Variants in ZNF730 observed in about 807,000 individuals in gnomAD.
ZNF730 encodes putative zinc finger protein 730.
A neutral mutation model predicts 12.6 loss-of-function variants in ZNF730; 12 were observed. The observed-to-expected ratio is 0.95, with a 90% CI of 0.61 to 1.54. The LOEUF is 1.54. Ranked by LOEUF, ZNF730 falls within the 40% of genes most tolerant of loss-of-function variation. The pLI, the probability that ZNF730 is intolerant of heterozygous loss-of-function variation, is 0.00. For synonymous variants in ZNF730, 194 were observed against 195.8 expected (o/e 0.99, Z 0.08); for missense variants, 643 against 583.5 (o/e 1.10, Z -1.05).
At chr19:23,091,716 G>A (rs1317138121) in intron 1 of ZNF730, among the ~76,000 whole-genome samples, 1 of 152,118 alleles carries the variant, frequency 6.6e-6, no homozygotes, top group African/African-American at 2.4e-5. Flanking sequence ...ATCTCATTTG[G>A]AATGGCTATA....
At chr19:23,124,078 T>C (rs969736912) in intron 1 of ZNF730, 1 of 152,220 alleles carries the variant, frequency 6.6e-6, no homozygotes, top group Non-Finnish European at 1.5e-5. Flanking sequence ...CAGCGCAGGC[T>C]CCACTCTCTG....
chr19:23,112,688 C>G (rs1179204859), upstream of ZNF730, among the ~76,000 whole-genome samples: 16 of 151,782 alleles, frequency 1.1e-4, no homozygotes, highest in Admixed American at 1.0e-3. Flanking sequence ...GCGCCACTAC[C>G]CTCCAGGCTG....
intron 1 of ZNF730, chr19:23,127,750 C>A: frequency 9.7e-7 from 1 of 1,026,634 alleles, no homozygotes; most frequent in Non-Finnish European, 1.5e-6. Context: ...GTCCACAGTT[C>A]TCTTCCTGAG....
intron 1 of ZNF730, among the ~76,000 whole-genome samples, chr19:23,110,869 A>G (rs1385133403): frequency 6.6e-6 from 1 of 152,224 alleles, no homozygotes; most frequent in Non-Finnish European, 1.5e-5. Context: ...ATTGTGTTAA[A>G]TCAGCCAGTA....
intron 1 of ZNF730, among the ~76,000 whole-genome samples, chr19:23,110,491 G>A (rs554176372): frequency 8.4e-5 from 12 of 142,218 alleles, no homozygotes; most frequent in Non-Finnish European, 1.7e-4. Flanking sequence ...TGATCAGGCT[G>A]GATGGTCTCG....
intron 1 of ZNF730, among the ~76,000 whole-genome samples, chr19:23,098,148 A>G (rs561992777): frequency 2.7e-5 from 4 of 148,582 alleles, no homozygotes; most frequent in African/African-American, 9.9e-5. Flanking sequence ...TGTCTCAAGA[A>G]AAAAAAAAAA....
rs1971022020 is a variant in ZNF730, at chr19:23,146,769, ACT to A, written c.*214_*215del. ...AGTCTTCAACCAATCTTCACACCTT[ACT>A]ACACATAAGATAATTCATACTGGAG... On this transcript the variant is annotated 3_prime_UTR_variant, in exon 4 of 4. Coordinates refer to ENST00000597761, the MANE Select transcript of ZNF730 (RefSeq NM_001277403.2). 3.8e-6 allele frequency: 4 copies of A among 1,063,740 alleles called. No individual in the cohort carries two copies. The East Asian group carries it at 9.4e-5, about 25-fold the overall frequency. 65.9% of individuals were successfully genotyped at this position (1,063,740 alleles called of 1,614,324 possible).
rs776586471 is a variant in ZNF730, at chr19:23,146,060, C to G, written c.1016C>G (p.Pro339Arg). 4 of 1,612,098 alleles carry G rather than the reference C, an allele frequency of 2.5e-6. No homozygotes were observed. The highest frequency in any genetic ancestry group is 1.1e-5 in the South Asian group (1 of 90,900). ...KHKRIHNGEK[P>R]YKCEECGKAF... ...AAAAGAATTCATAATGGAGAAAAAC[C>G]CTACAAATGTGAAGAATGTGGCAAA... The change falls in exon 4 of 4, where the codon CCC becomes CGC. Residue 339 changes from proline (P) to arginine (R), a missense_variant. Pro to Arg is a moderately radical substitution (Grantham distance 103). Transcript: ENST00000597761.
chr19:23,101,680 C>T lies in ZNF730; in HGVS notation c.-94+26293C>T, dbSNP rs376654476. Among the ~76,000 whole-genome samples the T allele has an allele frequency of 3.9e-5, 6 of 152,300 alleles. No individual in the cohort carries two copies. In the South Asian group the frequency reaches 1.0e-3, roughly 26 times the overall value. On this transcript the variant is annotated intron_variant, in intron 1 of 2. Coordinates refer to the ZNF730 transcript ENST00000593635. ...TGCCTCCCAGGTTCAAGTGATTCTTCTGCCTCAGCCTCCTGAGGAGCTGGG... is the reference window on the plus strand; with the variant it reads ...TGCCTCCCAGGTTCAAGTGATTCTTTTGCCTCAGCCTCCTGAGGAGCTGGG...
rs147634678 is a variant in ZNF730, at chr19:23,127,856, G to A, written c.4-6224G>A. On this transcript the variant is annotated intron_variant, in intron 1 of 3. Coordinates refer to ENST00000597761, the MANE Select transcript of ZNF730 (RefSeq NM_001277403.2). ...AAATATTGTCAGATTGCTTATACCC[G>A]TATAGAAGAGGATGTGATATTACAC... 6.0e-4 allele frequency: 395 copies of A among 655,520 alleles called. 2 individuals are homozygous for A. The East Asian group carries it at 8.4e-3, about 14-fold the overall frequency. 40.6% of individuals were successfully genotyped at this position (655,520 alleles called of 1,614,324 possible).
At chr19:23,114,296 TTTTCTTTTC>T (rs1970488745), upstream of ZNF730, among the ~76,000 whole-genome samples, 1 of 11,154 alleles carries the variant, frequency 9.0e-5, no homozygotes, top group Admixed American at 2.0e-3. Context: ...TTGTTTTTCT[TTTTCTTTTC>T]TTTTTTTTTT....
At chr19:23,137,026 C>T (rs928602413) in intron 3 of ZNF730, among the ~76,000 whole-genome samples, 13 of 151,912 alleles carry the variant, frequency 8.6e-5, no homozygotes, top group Admixed American at 5.9e-4. Context: ...AAAAATTAGC[C>T]GGACGTGGTG....
At chr19:23,106,791 C>CAAAA (rs538343920) in intron 1 of ZNF730, among the ~76,000 whole-genome samples, 1 of 63,654 alleles carries the variant, frequency 1.6e-5, no homozygotes, top group African/African-American at 5.4e-5. Flanking sequence ...AACTGCGTCT[C>CAAAA]AAAAAAAAAA....
intron 1 of ZNF730, among the ~76,000 whole-genome samples, chr19:23,121,067 T>A (rs930047592): frequency 2.6e-5 from 4 of 152,242 alleles, no homozygotes; most frequent in African/African-American, 9.6e-5. Flanking sequence ...AGAATGTGTT[T>A]GGTATGATTT....
At chr19:23,134,857 A>G (rs1220366143) in intron 2 of ZNF730, among the ~76,000 whole-genome samples, 1 of 113,330 alleles carries the variant, frequency 8.8e-6, no homozygotes, top group Non-Finnish European at 1.8e-5. Flanking sequence ...GACATGGGAG[A>G]CTTTTCATTT....
At chr19:23,133,237 A>T (rs1056571020) in intron 1 of ZNF730, among the ~76,000 whole-genome samples, 1 of 152,082 alleles carries the variant, frequency 6.6e-6, no homozygotes, top group African/African-American at 2.4e-5. Context: ...GAAAAACTGG[A>T]AAAAAAAGAC....
chr19:23,134,029 A>C lies in ZNF730; in HGVS notation c.4-51A>C, dbSNP rs894848910. 4.4e-6 allele frequency: 7 copies of C among 1,603,086 alleles called. No homozygotes were observed. The East Asian group carries it at 1.3e-4, about 31-fold the overall frequency. ...TATTTCACCTTGAGTGAAACTTAAA[A>C]TTCTGCCCAGGGGCACTTGGTAAAT... On this transcript the variant is annotated intron_variant, in intron 1 of 3. Coordinates refer to ENST00000597761, the MANE Select transcript of ZNF730 (RefSeq NM_001277403.2).
intron 1 of ZNF730, among the ~76,000 whole-genome samples, chr19:23,099,047 C>G (rs961683341): frequency 1.3e-5 from 2 of 152,052 alleles, no homozygotes; most frequent in Non-Finnish European, 1.5e-5. Context: ...GATCATGTTT[C>G]TTGTAAGCAC....
intron 1 of ZNF730, among the ~76,000 whole-genome samples, chr19:23,082,031 C>T (rs533622280): frequency 6.6e-6 from 1 of 152,254 alleles, no homozygotes; most frequent in South Asian, 2.1e-4. Flanking sequence ...CAGTCATGTG[C>T]CACCACACCT....
Sources: allele counts gnomAD v4.1 joint callset (sites outside exome capture counted in the v4.1 genomes callset), GRCh38; gene constraint gnomAD v4.1.1; transcripts MANE v1.5; gene names NCBI Gene and HGNC (gene_info 2026-07-23, HGNC 2026-07-21).